Variants in TRHDE observed in about 807,000 individuals in gnomAD.
The protein encoded by TRHDE is thyrotropin releasing hormone degrading enzyme, also known as thyrotropin-releasing hormone-degrading ectoenzyme.
TRHDE carries 72 observed loss-of-function variants against 125.7 expected under a neutral mutation model. That is an observed-to-expected ratio of 0.57 (90% confidence interval 0.47 to 0.70). The LOEUF is 0.70. Among genes scored for constraint, TRHDE ranks in the 30% least tolerant of loss-of-function variants. The pLI is 0.00. For missense variants in TRHDE, 1,110 were observed against 1,327.1 expected (o/e 0.84, Z 2.54); for synonymous variants, 509 against 509.1 (o/e 1.00, Z 0.00).
chr12:72,104,288 T>A (rs1163897025), intron 1 of TRHDE, among the ~76,000 whole-genome samples: 3 of 152,180 alleles, frequency 2.0e-5, no homozygotes, highest in Non-Finnish European at 1.5e-5. Flanking sequence ...GGTCCTTCCA[T>A]GTGAGGGTCC....
At chr12:72,288,461 G>A (rs1237982667) in intron 2 of TRHDE, among the ~76,000 whole-genome samples, 2 of 152,076 alleles carry the variant, frequency 1.3e-5, no homozygotes, top group African/African-American at 2.4e-5. Context: ...AAGGCCAGTA[G>A]GCATTTTACT....
chr12:72,116,017 T>C lies in TRHDE; in HGVS notation n.279+10265T>C, dbSNP rs139999024. On this transcript the variant is annotated intron_variant and non_coding_transcript_variant, in intron 2 of 4. Transcript: ENST00000548156. ...AATGCACTCCCTCCCTTTCCCCCAC[T>C]TACCCTCTGACAGGCCCCAGTGTGT... 1.4e-3 allele frequency among the ~76,000 whole-genome samples: 220 copies of C among 152,222 alleles called. 2 individuals are homozygous for C. The highest frequency in any genetic ancestry group is 4.9e-3 in the African/African-American group (202 of 41,542).
intron 2 of TRHDE, among the ~76,000 whole-genome samples, chr12:72,198,188 C>T (rs1378712608): frequency 6.6e-6 from 1 of 151,734 alleles, no homozygotes; most frequent in Admixed American, 6.6e-5. Flanking sequence ...ATGAATATAC[C>T]ACATTTTTTA....
At position 72,380,698 on chromosome 12, in the gene TRHDE, G is replaced by GCTTCCTTCCTTCCTTC. The variant is rs199912564; in HGVS notation, c.1315+2597_1315+2612dup. Among the ~76,000 whole-genome samples, 697 of 132,030 alleles carry GCTTCCTTCCTTCCTTC rather than the reference G, an allele frequency of 5.3e-3. 32 individuals are homozygous for GCTTCCTTCCTTCCTTC. The highest frequency in any genetic ancestry group is 0.022 in the African/African-American group (655 of 29,334). 86.6% of individuals were successfully genotyped at this position (132,030 alleles called of 152,430 possible). A position where few individuals can be genotyped will look rare whatever the true frequency, so the allele number is the denominator to read the frequency against. ...GATCATGGACCGCCAGCAGGCTGCA[G>GCTTCCTTCCTTCCTTC]CTTCCTTCCTTCCTTCCTTCCTTCC... is the stretch of plus-strand genomic sequence containing the variant. On this transcript the variant is annotated intron_variant, in intron 3 of 18. Coordinates refer to ENST00000261180, the MANE Select transcript of TRHDE (RefSeq NM_013381.3).
chr12:72,342,828 T>G (rs2135731838), intron 2 of TRHDE, among the ~76,000 whole-genome samples: 1 of 152,276 alleles, frequency 6.6e-6, no homozygotes, highest in Non-Finnish European at 1.5e-5. Flanking sequence ...TTTTTGGAAC[T>G]CAGCCATTGT....
At chr12:72,520,199 C>T (rs1027837720) in intron 6 of TRHDE, among the ~76,000 whole-genome samples, 1 of 152,230 alleles carries the variant, frequency 6.6e-6, no homozygotes. Flanking sequence ...GCTTTGTTTA[C>T]CTAAGCAAGC....
rs576814497 is a variant in TRHDE, at chr12:72,165,760, C to T, written n.279+60008C>T. On this transcript the variant is annotated intron_variant and non_coding_transcript_variant, in intron 2 of 4. Transcript: ENST00000548156. ...CACGATCTTGGCTCACTGCAAGCTG[C>T]GCCTCCTGGGTTCACACCATTCTCC... is the stretch of plus-strand genomic sequence containing the variant. Among the ~76,000 whole-genome samples the T allele has an allele frequency of 1.9e-3, 284 of 151,836 alleles. 2 individuals are homozygous for T. The highest frequency in any genetic ancestry group is 6.5e-3 in the African/African-American group (267 of 41,362).
chr12:72,198,051 T>C (rs1447234706), intron 2 of TRHDE, among the ~76,000 whole-genome samples: 1 of 152,168 alleles, frequency 6.6e-6, no homozygotes. Flanking sequence ...TTCTTATAAA[T>C]AGAATCATAT....
At chr12:72,095,998 T>C (rs1383222077) in intron 1 of TRHDE, among the ~76,000 whole-genome samples, 3 of 152,182 alleles carry the variant, frequency 2.0e-5, no homozygotes, top group African/African-American at 7.2e-5. Flanking sequence ...TGCCAGCAGA[T>C]GGCTTTTGGA....
intron 2 of TRHDE, among the ~76,000 whole-genome samples, chr12:72,130,464 A>G (rs1480222823): frequency 6.6e-6 from 1 of 152,210 alleles, no homozygotes; most frequent in Non-Finnish European, 1.5e-5. Context: ...TAATGGCAGT[A>G]TAAGAGGGGA....
intron 2 of TRHDE, among the ~76,000 whole-genome samples, chr12:72,180,065 A>T (rs1877065351): frequency 1.3e-5 from 2 of 151,936 alleles, no homozygotes; most frequent in Non-Finnish European, 2.9e-5. Context: ...TTAATTAGGT[A>T]GTATTAATTG....
chr12:72,663,082 G>T lies in TRHDE; in HGVS notation c.3097G>T (p.Val1033Leu). The part of the protein sequence containing the change: ...LKNFMKNYDG[V>L]AAASFSRAVE... ...GAACTTCATGAAAAACTATGATGGGGTAGCTGCTGCTTCTTTCTCACGAGC... is the reference window on the plus strand; with the variant it reads ...GAACTTCATGAAAAACTATGATGGGTTAGCTGCTGCTTCTTTCTCACGAGC... The change falls in exon 19 of 19, where the codon GTA (valine) becomes TTA (leucine). Residue 1033 changes from valine to leucine, a missense_variant. Val to Leu is a conservative substitution (Grantham distance 32, BLOSUM62 1). Around this residue, in one of 5 missense-constraint regions of TRHDE, gnomAD observed 527 missense variants for 651.8 expected, o/e 0.81. Transcript: ENST00000261180. 2 of 1,612,262 alleles carry T rather than the reference G, an allele frequency of 1.2e-6. No homozygotes were observed. The highest frequency in any genetic ancestry group is 1.7e-6 in the Non-Finnish European group (2 of 1,179,086).
chr12:72,164,587 G>C (rs1876705278), intron 2 of TRHDE, among the ~76,000 whole-genome samples: 1 of 152,202 alleles, frequency 6.6e-6, no homozygotes, highest in African/African-American at 2.4e-5. Flanking sequence ...TCCAGTGGCA[G>C]TGGGCTGGCT....
chr12:72,472,958 G>A, intron 4 of TRHDE, 109 bp from the exon 5 acceptor site: 1 of 856,504 alleles, frequency 1.2e-6, no homozygotes, highest in East Asian at 2.7e-5. Flanking sequence ...AATCAACTGG[G>A]GAATGAATTC....
intron 1 of TRHDE, among the ~76,000 whole-genome samples, chr12:72,095,444 G>A (rs1475418961): frequency 6.6e-6 from 1 of 152,148 alleles, no homozygotes; most frequent in Non-Finnish European, 1.5e-5. Flanking sequence ...TTGAGTGTTT[G>A]AGTTAGAAGG....
At chr12:72,244,376 T>C (rs982375795) in intron 2 of TRHDE, among the ~76,000 whole-genome samples, 1 of 152,142 alleles carries the variant, frequency 6.6e-6, no homozygotes, top group Non-Finnish European at 1.5e-5. Flanking sequence ...TAAGTTCAGC[T>C]CCTAATAATG....
At chr12:72,601,983 G>T (rs770123014) in intron 12 of TRHDE, among the ~76,000 whole-genome samples, 1 of 152,034 alleles carries the variant, frequency 6.6e-6, no homozygotes, top group Non-Finnish European at 1.5e-5. Context: ...GTGTTCTTAG[G>T]ATTAAAATAA....
intron 2 of TRHDE, among the ~76,000 whole-genome samples, chr12:72,220,239 T>C (rs1455737825): frequency 6.6e-6 from 1 of 152,164 alleles, no homozygotes; most frequent in Non-Finnish European, 1.5e-5. Context: ...TTTCTTTTCT[T>C]CAGTCCTGAA....
chr12:72,522,492 G>A (rs954620304), intron 6 of TRHDE, among the ~76,000 whole-genome samples: 1 of 152,152 alleles, frequency 6.6e-6, no homozygotes, highest in Non-Finnish European at 1.5e-5. Context: ...CTTTAAAGTA[G>A]TCTTGCAAAT....
Sources: gnomAD v4.1 joint callset for allele counts (sites outside exome capture counted in the v4.1 genomes callset) on GRCh38, gnomAD v4.1.1 for gene constraint, gnomAD v4.1.1 regional missense constraint, MANE v1.5 for transcripts, NCBI Gene and HGNC (gene_info 2026-07-23, HGNC 2026-07-21) for gene names.